Variants in PGBD5 observed in about 807,000 individuals in gnomAD.
PGBD5 encodes the protein piggyBac transposable element-derived protein 5.
PGBD5 carries 14 observed loss-of-function variants against 47.9 expected under a neutral mutation model. The observed-to-expected ratio is 0.29, with a 90% CI of 0.19 to 0.46. The LOEUF is 0.46. Among genes scored for constraint, PGBD5 ranks in the 20% least tolerant of loss-of-function variants. The pLI, the probability that PGBD5 is intolerant of heterozygous loss-of-function variation, is 1.00. For synonymous variants in PGBD5, 316 were observed against 306.3 expected (o/e 1.03, Z -0.33); for missense variants, 635 against 716.0 (o/e 0.89, Z 1.29).
At chr1:230,364,881 G>A (rs2820381) in intron 1 of PGBD5, among the ~76,000 whole-genome samples, 96,235 of 151,912 alleles carry the variant, frequency 0.63, 31,820 homozygotes, top group Non-Finnish European at 0.74. Context: ...TTAGCCAGAC[G>A]CAGTGGTGTG....
chr1:230,393,078 G>A (rs894850732), intron 1 of PGBD5, among the ~76,000 whole-genome samples: 6 of 149,422 alleles, frequency 4.0e-5, no homozygotes, highest in Non-Finnish European at 8.9e-5. Context: ...GGAAGGCGGA[G>A]GAGGAAGAGG....
chr1:230,367,977 T>C (rs142369806), intron 1 of PGBD5: 2 of 1,367,736 alleles, frequency 1.5e-6, no homozygotes, highest in Non-Finnish European at 2.0e-6. Context: ...TCCTGCAAGC[T>C]GGACACCAAG....
At chr1:230,402,468 A>G (rs1254308366) in intron 1 of PGBD5, among the ~76,000 whole-genome samples, 2 of 152,198 alleles carry the variant, frequency 1.3e-5, no homozygotes, top group African/African-American at 2.4e-5. Context: ...CTCTGTCACT[A>G]AAGTTGGAGT....
At chr1:230,365,490 C>T (rs769732748) in intron 1 of PGBD5, among the ~76,000 whole-genome samples, 24 of 152,202 alleles carry the variant, frequency 1.6e-4, no homozygotes, top group Non-Finnish European at 2.8e-4. Flanking sequence ...ACAAGGCACC[C>T]GTACACATAA....
At chr1:230,410,938 G>A (rs918361658) in intron 1 of PGBD5, among the ~76,000 whole-genome samples, 1 of 152,070 alleles carries the variant, frequency 6.6e-6, no homozygotes, top group East Asian at 1.9e-4. Context: ...AAAGGTGAGT[G>A]TGGTGGGGGT....
At chr1:230,405,057 T>C (rs1657268692) in intron 1 of PGBD5, among the ~76,000 whole-genome samples, 2 of 148,554 alleles carry the variant, frequency 1.3e-5, no homozygotes, top group Admixed American at 6.7e-5. Flanking sequence ...TAGCTGGGTG[T>C]GGTGGCAGGC....
intron 1 of PGBD5, among the ~76,000 whole-genome samples, chr1:230,417,513 T>C (rs1657544618): frequency 6.6e-6 from 1 of 152,250 alleles, no homozygotes; most frequent in Non-Finnish European, 1.5e-5. Context: ...GGAAGCTCAG[T>C]TTAGGGGCCA....
intron 1 of PGBD5, among the ~76,000 whole-genome samples, chr1:230,417,202 C>T (rs945402389): frequency 2.0e-5 from 3 of 152,092 alleles, no homozygotes; most frequent in African/African-American, 7.2e-5. Flanking sequence ...TATTCTCCCA[C>T]CCCCAAGATC....
chr1:230,420,946 G>A (rs568730438), intron 1 of PGBD5, among the ~76,000 whole-genome samples: 48 of 152,324 alleles, frequency 3.2e-4, no homozygotes, highest in African/African-American at 1.2e-3. Flanking sequence ...TCAGGAAGCT[G>A]AAGCGGGAGG....
Sources: allele counts gnomAD v4.1 joint callset (sites outside exome capture counted in the v4.1 genomes callset), GRCh38; gene constraint gnomAD v4.1.1; transcripts MANE v1.5; gene names NCBI Gene and HGNC (gene_info 2026-07-23, HGNC 2026-07-21).